Variants in HDAC4 observed in about 807,000 individuals in gnomAD.
The protein encoded by HDAC4 is histone deacetylase A.
In HDAC4, 16 loss-of-function variants were observed where a neutral mutation model predicts 135.1. The ratio of observed to expected loss-of-function variants is 0.12; its 90% confidence interval spans 0.08 to 0.18. The LOEUF (loss-of-function observed/expected upper bound fraction) is 0.18, where lower values mean the gene tolerates loss of function less well. Among genes scored for constraint, HDAC4 ranks in the 10% least tolerant of loss-of-function variants. The pLI is 1.00. For synonymous variants in HDAC4, 685 were observed against 653.4 expected (o/e 1.05, Z -0.74); for missense variants, 1,143 against 1,511.8 (o/e 0.76, Z 4.05).
intron 2 of HDAC4, among the ~76,000 whole-genome samples, chr2:239,341,819 C>T (rs750841419): frequency 3.3e-5 from 5 of 152,154 alleles, no homozygotes; most frequent in South Asian, 2.1e-4. Flanking sequence ...TGAATGTTGG[C>T]GTCCCCCCCA....
intron 2 of HDAC4, among the ~76,000 whole-genome samples, chr2:239,343,807 T>G (rs1018665937): frequency 4.6e-5 from 7 of 152,208 alleles, no homozygotes; most frequent in African/African-American, 1.2e-4. Context: ...GGTGACCGAT[T>G]CTAGCGGTGC....
intron 3 of HDAC4, among the ~76,000 whole-genome samples, chr2:239,216,656 G>A (rs926525367): frequency 2.0e-5 from 3 of 152,166 alleles, no homozygotes; most frequent in African/African-American, 7.2e-5. Flanking sequence ...CCTTCTCTGG[G>A]TGAAGCTCCA....
intron 11 of HDAC4, among the ~76,000 whole-genome samples, chr2:239,132,338 C>T (rs1401437220): frequency 6.6e-6 from 1 of 152,206 alleles, no homozygotes. Context: ...CTACGCTGCA[C>T]ACGTGACACT....
At chr2:239,364,829 T>C (rs560221969) in intron 1 of HDAC4, among the ~76,000 whole-genome samples, 2 of 152,354 alleles carry the variant, frequency 1.3e-5, no homozygotes, top group Non-Finnish European at 2.9e-5. Context: ...CTTGCCACCA[T>C]TTCTTACAAC....
At chr2:239,318,686 G>GAAAAAAAAA (rs35112686) in intron 2 of HDAC4, among the ~76,000 whole-genome samples, 1 of 142,208 alleles carries the variant, frequency 7.0e-6, no homozygotes. Context: ...AAACGATTCT[G>GAAAAAAAAA]AAAAAAAAAA....
At chr2:239,145,466 C>G (rs1252507481) in intron 7 of HDAC4, among the ~76,000 whole-genome samples, 1 of 152,272 alleles carries the variant, frequency 6.6e-6, no homozygotes, top group Non-Finnish European at 1.5e-5. Context: ...CCCAACTCAT[C>G]TGCATCTGGA....
At position 239,244,409 on chromosome 2, in the gene HDAC4, G is replaced by T. The variant is rs79975950; in HGVS notation, c.23-7745C>A. On this transcript the variant is annotated intron_variant, in intron 2 of 26. Coordinates refer to ENST00000543185, the MANE Select transcript of HDAC4 (RefSeq NM_001378414.1). ...CACCAAGACCTGCACCTCCTGGAGG[G>T]CGTGGTGCGGTGCACACTCACATGC... Among the ~76,000 whole-genome samples the T allele has an allele frequency of 6.1e-3, 928 of 152,140 alleles. 21 individuals are homozygous for T. In the East Asian group the frequency reaches 0.084, roughly 14 times the overall value.
intron 2 of HDAC4, among the ~76,000 whole-genome samples, chr2:239,293,105 CTT>C (rs2051628799): frequency 6.6e-6 from 1 of 152,246 alleles, no homozygotes; most frequent in East Asian, 1.9e-4. Flanking sequence ...TTGGAAATGA[CTT>C]TCCTTCCCAG....
intron 2 of HDAC4, among the ~76,000 whole-genome samples, chr2:239,316,436 C>CA (rs2053117773): frequency 6.6e-6 from 1 of 152,118 alleles, no homozygotes; most frequent in Non-Finnish European, 1.5e-5. Context: ...CCCATCTCTA[C>CA]AAAAAAATTA....
chr2:239,107,900 A>G (rs1438189544), intron 15 of HDAC4, 150 bp downstream of exon 15: 4 of 964,662 alleles, frequency 4.1e-6, no homozygotes, highest in African/African-American at 3.2e-5. Flanking sequence ...GCCCAAATGC[A>G]GACAGTGAAG....
intron 2 of HDAC4, among the ~76,000 whole-genome samples, chr2:239,273,779 T>G (rs1039982010): frequency 2.0e-5 from 3 of 152,042 alleles, no homozygotes; most frequent in African/African-American, 7.2e-5. Flanking sequence ...ACAAATAGAC[T>G]GGAGAGCAAG....
At chr2:239,274,182 A>T (rs1450555026) in intron 2 of HDAC4, among the ~76,000 whole-genome samples, 1 of 152,194 alleles carries the variant, frequency 6.6e-6, no homozygotes, top group Non-Finnish European at 1.5e-5. Flanking sequence ...AAGGTGCTAG[A>T]TTTGGACGGG....
At chr2:239,217,763 G>C (rs1171173388) in intron 3 of HDAC4, among the ~76,000 whole-genome samples, 1 of 152,140 alleles carries the variant, frequency 6.6e-6, no homozygotes, top group Non-Finnish European at 1.5e-5. Context: ...TATCCAAGAA[G>C]TCAAATAGGA....
rs1039292510 is a variant in HDAC4 at position 239,115,972 on chromosome 2, G to A, written c.1534-662C>T. On this transcript the variant is annotated intron_variant, in intron 12 of 26. Transcript: ENST00000543185. The surrounding 1 kb of genome is among the most constrained non-coding windows in gnomAD (Gnocchi z 6.3). ...CCATGGGTGCTCCATGACCTGCCCC[G>A]CTATGGGGCCCCAAGAACCGCAACA... is the stretch of plus-strand genomic sequence containing the variant. 2.0e-5 allele frequency among the ~76,000 whole-genome samples: 3 copies of A among 152,020 alleles called. No homozygotes were observed. Among genetic ancestry groups the A allele is most frequent in the Admixed American group, 6.5e-5 (1 of 15,270 alleles).
chr2:239,337,353 T>G (rs1188502933), intron 2 of HDAC4, among the ~76,000 whole-genome samples: 1 of 152,076 alleles, frequency 6.6e-6, no homozygotes, highest in Non-Finnish European at 1.5e-5. Context: ...ACACCCTGCA[T>G]AAGCCACTAA....
intron 12 of HDAC4, among the ~76,000 whole-genome samples, chr2:239,125,495 C>T (rs2040120256): frequency 1.3e-5 from 2 of 152,228 alleles, no homozygotes; most frequent in South Asian, 4.1e-4. Context: ...AGGTATTTCT[C>T]TACAGCAGTG....
intron 7 of HDAC4, among the ~76,000 whole-genome samples, chr2:239,148,757 G>A (rs1382781168): frequency 5.9e-5 from 9 of 152,260 alleles, no homozygotes; most frequent in Admixed American, 4.6e-4. Flanking sequence ...CACGGAGCCC[G>A]GGAGAGGAGG....
intron 1 of HDAC4, among the ~76,000 whole-genome samples, chr2:239,367,351 T>C (rs942215247): frequency 6.6e-6 from 1 of 152,226 alleles, no homozygotes; most frequent in Non-Finnish European, 1.5e-5. Context: ...TCACGACGCT[T>C]TGTGTTTTAC....
chr2:239,200,416 A>G (rs1269619331), intron 3 of HDAC4, among the ~76,000 whole-genome samples: 1 of 152,220 alleles, frequency 6.6e-6, no homozygotes, highest in African/African-American at 2.4e-5. Flanking sequence ...GAGAAAGTAG[A>G]AGTATTCTTT....
Sources: gnomAD v4.1 joint callset for allele counts (sites outside exome capture counted in the v4.1 genomes callset) on GRCh38, gnomAD v4.1.1 for gene constraint, Gnocchi (gnomAD v3.1) non-coding constraint, MANE v1.5 for transcripts, NCBI Gene and HGNC (gene_info 2026-07-23, HGNC 2026-07-21) for gene names.